The following SHB variants were observed in gnomAD, a reference collection of about 807,000 sequenced individuals.
The protein encoded by SHB is SH2 domain containing adaptor protein B.
In SHB, 20 loss-of-function variants were observed where a neutral mutation model predicts 52.3. The observed-to-expected ratio is 0.38, with a 90% CI of 0.27 to 0.56. The LOEUF is 0.56. Among genes scored for constraint, SHB ranks in the 20% least tolerant of loss-of-function variants. The pLI, the probability that SHB is intolerant of heterozygous loss-of-function variation, is 0.71. For synonymous variants in SHB, 397 were observed against 316.5 expected (o/e 1.25, Z -2.70); for missense variants, 825 against 723.3 (o/e 1.14, Z -1.61).
intron 2 of SHB, among the ~76,000 whole-genome samples, chr9:37,977,951 C>T (rs1251510419): frequency 2.0e-5 from 3 of 152,198 alleles, no homozygotes; most frequent in East Asian, 1.9e-4. Flanking sequence ...ATGTACTTCC[C>T]GTCGGGCCCC....
In SHB at chr9:38,069,014, C is replaced by G. The variant is rs1384938003; in HGVS notation, c.-369G>C. The stretch of plus-strand genomic sequence containing the variant: ...GATCGCGCTCCTGCCCCGTCGGAGC[C>G]GCAGCCTCCGCCTTGGCCGGGATCC... On this transcript the variant is annotated 5_prime_UTR_variant, in exon 1 of 6. Coordinates refer to ENST00000377707, the MANE Select transcript of SHB (RefSeq NM_003028.3). 6.6e-6 allele frequency: 1 copy of G among 151,688 alleles called. No homozygotes were observed. Among genetic ancestry groups the G allele is most frequent in the Non-Finnish European group, 1.5e-5 (1 of 67,912 alleles). 9.4% of individuals were successfully genotyped at this position (151,688 alleles called of 1,614,324 possible).
intron 1 of SHB, among the ~76,000 whole-genome samples, chr9:38,062,339 G>A (rs1345592146): frequency 1.3e-5 from 2 of 152,126 alleles, no homozygotes; most frequent in African/African-American, 2.4e-5. Context: ...TGATGGCATC[G>A]AAGGCCCTAA....
At position 38,068,625 on chromosome 9, in the gene SHB, C is replaced by G; in HGVS notation, c.21G>C (p.Lys7Asn). ...TCTTGCTGTTGCCCAAGCTGAAGTA[C>G]TTGTTTAGCCACTTGGCCATGGCGA... MAKWLN[K>N]YFSLGNSKTK... The change falls in exon 1 of 6, where the codon AAG (lysine) becomes AAC (asparagine). Residue 7 changes from lysine (K) to asparagine (N), a missense_variant. Physicochemically the swap from Lys to Asn is moderately conservative, Grantham distance 94. Coordinates refer to ENST00000377707, the MANE Select transcript of SHB (RefSeq NM_003028.3). 1 of 1,475,556 alleles carries G rather than the reference C, an allele frequency of 6.8e-7. No individual in the cohort carries two copies. Among genetic ancestry groups the G allele is most frequent in the Non-Finnish European group, 8.9e-7 (1 of 1,122,960 alleles). 91.4% of individuals were successfully genotyped at this position (1,475,556 alleles called of 1,614,324 possible).
chr9:38,026,579 C>T (rs566088307), intron 1 of SHB, among the ~76,000 whole-genome samples: 1 of 152,224 alleles, frequency 6.6e-6, no homozygotes, highest in Non-Finnish European at 1.5e-5. Context: ...CAATTACCAG[C>T]CCCATGTTTG....
intron 5 of SHB, among the ~76,000 whole-genome samples, chr9:37,925,817 T>C (rs1256363317): frequency 6.6e-6 from 1 of 152,180 alleles, no homozygotes; most frequent in African/African-American, 2.4e-5. Context: ...CTGGGCCAGG[T>C]TGTTGGAAGG....
At chr9:37,994,519 C>A (rs945067996) in intron 2 of SHB, among the ~76,000 whole-genome samples, 3 of 152,252 alleles carry the variant, frequency 2.0e-5, no homozygotes, top group African/African-American at 7.2e-5. Context: ...GGCTCTGCCG[C>A]CTACCAGCCT....
At chr9:38,004,157 A>G (rs1434293865) in intron 2 of SHB, among the ~76,000 whole-genome samples, 1 of 152,194 alleles carries the variant, frequency 6.6e-6, no homozygotes, top group Non-Finnish European at 1.5e-5. Flanking sequence ...GAAAATGGAA[A>G]CAACCCAGGC....
At chr9:38,036,270 G>A (rs754424890) in intron 1 of SHB, among the ~76,000 whole-genome samples, 6 of 152,186 alleles carry the variant, frequency 3.9e-5, no homozygotes, top group African/African-American at 7.2e-5. Context: ...AAACCTCAAC[G>A]AGGTAGAACT....
At chr9:37,991,455 G>C (rs544452530) in intron 2 of SHB, among the ~76,000 whole-genome samples, 2 of 152,266 alleles carry the variant, frequency 1.3e-5, no homozygotes, top group East Asian at 3.9e-4. Flanking sequence ...TATACATTTT[G>C]AAGTTTAGGA....
chr9:37,963,719 G>C (rs963895760), intron 3 of SHB, among the ~76,000 whole-genome samples: 2 of 152,130 alleles, frequency 1.3e-5, no homozygotes, highest in African/African-American at 4.8e-5. Context: ...GGGGCAAGGA[G>C]GGGAGATTAT....
chr9:37,977,578 A>G (rs957130513), intron 2 of SHB, among the ~76,000 whole-genome samples: 3 of 152,226 alleles, frequency 2.0e-5, no homozygotes, highest in Admixed American at 1.3e-4. Context: ...AGGAACAGGA[A>G]AAGAGAAGGG....
intron 3 of SHB, among the ~76,000 whole-genome samples, chr9:37,964,093 G>A (rs1012974758): frequency 4.6e-5 from 7 of 152,192 alleles, no homozygotes; most frequent in African/African-American, 1.4e-4. Context: ...TGTAGGACAA[G>A]TGGCTTAGCA....
chr9:37,919,308 C>T lies in SHB; in HGVS notation c.*513G>A, dbSNP rs1832144898. 1 of 154,460 alleles carries T rather than the reference C, an allele frequency of 6.5e-6. No homozygotes were observed. Among genetic ancestry groups the T allele is most frequent in the Non-Finnish European group, 1.4e-5 (1 of 69,296 alleles). 9.6% of individuals were successfully genotyped at this position (154,460 alleles called of 1,614,324 possible). A position where few individuals can be genotyped will look rare whatever the true frequency, so the allele number is the denominator to read the frequency against. Reference sequence around the variant, plus strand: ...TCTCACATCTGTACTCACACACACACTCACACAGACACACATATACACACC... The same window carrying T: ...TCTCACATCTGTACTCACACACACATTCACACAGACACACATATACACACC... On this transcript the variant is annotated 3_prime_UTR_variant, in exon 6 of 6. Transcript: ENST00000377707.
chr9:37,999,599 C>G (rs998267161), intron 2 of SHB, among the ~76,000 whole-genome samples: 1 of 151,936 alleles, frequency 6.6e-6, no homozygotes, highest in Non-Finnish European at 1.5e-5. Flanking sequence ...AGACACCAAG[C>G]GCCGCATACT....
chr9:38,048,340 G>C (rs539647333), intron 1 of SHB, among the ~76,000 whole-genome samples: 8 of 152,160 alleles, frequency 5.3e-5, no homozygotes, highest in Admixed American at 2.6e-4. Context: ...TATATCCTGC[G>C]TTTAAAAAAG....
intron 1 of SHB, among the ~76,000 whole-genome samples, chr9:38,055,615 C>T (rs951675674): frequency 1.3e-5 from 2 of 152,174 alleles, no homozygotes; most frequent in Non-Finnish European, 2.9e-5. Context: ...CTCAGGGAGT[C>T]ATTTACCTGC....
intron 3 of SHB, among the ~76,000 whole-genome samples, chr9:37,959,330 G>A (rs915601164): frequency 6.6e-6 from 1 of 152,148 alleles, no homozygotes; most frequent in African/African-American, 2.4e-5. Flanking sequence ...CCTCCCTGCT[G>A]CTAATTTTCT....
chr9:37,958,368 C>A (rs1400276450), intron 3 of SHB, among the ~76,000 whole-genome samples: 1 of 152,280 alleles, frequency 6.6e-6, no homozygotes, highest in East Asian at 1.9e-4. Flanking sequence ...CTACTGGTGA[C>A]CACAGGCTGT....
intron 3 of SHB, 85 bp downstream of exon 3, chr9:37,974,537 G>T: frequency 2.6e-6 from 3 of 1,162,662 alleles, no homozygotes; most frequent in Non-Finnish European, 3.7e-6. Context: ...CAACCCTGGA[G>T]TTTGTCCTGA....
Sources: allele counts gnomAD v4.1 joint callset (sites outside exome capture counted in the v4.1 genomes callset), GRCh38; gene constraint gnomAD v4.1.1; transcripts MANE v1.5; gene names NCBI Gene and HGNC (gene_info 2026-07-23, HGNC 2026-07-21).